The following VPS13B variants were observed in gnomAD, a reference collection of about 807,000 sequenced individuals.
VPS13B encodes intermembrane lipid transfer protein VPS13B.
In VPS13B, 285 loss-of-function variants were observed where a neutral mutation model predicts 426.4. The ratio of observed to expected loss-of-function variants is 0.67; its 90% confidence interval spans 0.61 to 0.74. The LOEUF (loss-of-function observed/expected upper bound fraction) is 0.74, where lower values mean the gene tolerates loss of function less well. Among genes scored for constraint, VPS13B ranks in the 30% least tolerant of loss-of-function variants. The pLI is 0.00. For missense variants in VPS13B, 4,537 were observed against 4,782.6 expected (o/e 0.95, Z 1.51); for synonymous variants, 1,676 against 1,676.4 (o/e 1.00, Z 0.01).
intron 33 of VPS13B, among the ~76,000 whole-genome samples, chr8:99,625,754 G>A (rs1422797444): frequency 6.6e-6 from 1 of 152,152 alleles, no homozygotes; most frequent in Non-Finnish European, 1.5e-5. Flanking sequence ...GCTGAGGTGG[G>A]AGGATCACCT....
At chr8:99,394,306 C>T (rs554614112) in intron 21 of VPS13B, among the ~76,000 whole-genome samples, 1 of 152,222 alleles carries the variant, frequency 6.6e-6, no homozygotes, top group South Asian at 2.1e-4. Context: ...GTGGTTTTGA[C>T]ACATGAATAC....
At chr8:99,501,054 TA>T (rs1256673109) in intron 25 of VPS13B, among the ~76,000 whole-genome samples, 16 of 152,108 alleles carry the variant, frequency 1.1e-4, no homozygotes, top group African/African-American at 3.9e-4. Context: ...ATAAGACACT[TA>T]AAAAAATCTA....
At chr8:99,291,936 C>T (rs1819758527) in intron 19 of VPS13B, among the ~76,000 whole-genome samples, 1 of 151,862 alleles carries the variant, frequency 6.6e-6, no homozygotes, top group Non-Finnish European at 1.5e-5. Flanking sequence ...GGTAATTTTT[C>T]CTCTACAGTA....
intron 19 of VPS13B, among the ~76,000 whole-genome samples, chr8:99,289,763 G>A (rs1229049538): frequency 6.6e-6 from 1 of 152,124 alleles, no homozygotes; most frequent in Non-Finnish European, 1.5e-5. Context: ...CAATATTAAA[G>A]TAAGTTGCTG....
chr8:99,147,787 T>G lies in VPS13B; in HGVS notation c.1844-54T>G, dbSNP rs1322196911. ...AGAACTAATTCATTTTTCAGTTGTT[T>G]AAGAATATTATTTAAAAATATTCTT... On this transcript the variant is annotated intron_variant, in intron 13 of 61. Coordinates refer to ENST00000357162, the MANE Select transcript of VPS13B (RefSeq NM_152564.5). 3.3e-6 allele frequency: 4 copies of G among 1,198,600 alleles called. No individual in the cohort carries two copies. The African/African-American group carries it at 6.3e-5, about 19-fold the overall frequency. 74.2% of individuals were successfully genotyped at this position (1,198,600 alleles called of 1,614,324 possible).
chr8:99,075,655 A>C (rs1468584296), intron 3 of VPS13B, among the ~76,000 whole-genome samples: 5 of 152,146 alleles, frequency 3.3e-5, no homozygotes, highest in African/African-American at 7.2e-5. Flanking sequence ...TTAGGTTTTT[A>C]AGTTTGTTAG....
intron 35 of VPS13B, among the ~76,000 whole-genome samples, chr8:99,670,374 T>C (rs1830662794): frequency 6.6e-6 from 1 of 152,112 alleles, no homozygotes; most frequent in Admixed American, 6.6e-5. Flanking sequence ...ATTACAAACA[T>C]TTAAGGTGTA....
At chr8:99,341,165 C>T (rs750609392) in intron 19 of VPS13B, 30 of 244,346 alleles carry the variant, frequency 1.2e-4, no homozygotes, top group Non-Finnish European at 2.2e-4. Context: ...GTTGGTGTGC[C>T]GCATAGTGTG....
chr8:99,611,216 TAA>T (rs1827833474), intron 33 of VPS13B, among the ~76,000 whole-genome samples: 1 of 152,160 alleles, frequency 6.6e-6, no homozygotes, highest in Admixed American at 6.5e-5. Flanking sequence ...ATTAGCTATA[TAA>T]AAGTCTGCAA....
At chr8:99,122,873 G>A (rs1848011232) in intron 8 of VPS13B, among the ~76,000 whole-genome samples, 1 of 152,098 alleles carries the variant, frequency 6.6e-6, no homozygotes, top group African/African-American at 2.4e-5. Flanking sequence ...AGCATTTTGG[G>A]AGGCCGAGGC....
intron 19 of VPS13B, among the ~76,000 whole-genome samples, chr8:99,286,553 AATTTGCGTACCTTCAGTCAATAATT>A (rs1819453605): frequency 1.3e-5 from 2 of 152,160 alleles, no homozygotes; most frequent in Admixed American, 6.6e-5. Context: ...TACCTGACAG[AATTTGCGTACCTTCAGTCAATAATT>A]ATTTTGCATT....
At chr8:99,697,745 G>T in intron 35 of VPS13B, 2 of 625,752 alleles carry the variant, frequency 3.2e-6, no homozygotes, top group Non-Finnish European at 6.1e-6. Flanking sequence ...GGGCGCGCCC[G>T]TAGGGGAGAA....
chr8:99,460,604 G>A (rs1475783292), intron 23 of VPS13B, among the ~76,000 whole-genome samples: 2 of 152,156 alleles, frequency 1.3e-5, no homozygotes, highest in African/African-American at 4.8e-5. Flanking sequence ...TGCAGGACAA[G>A]GTATTTCTGG....
chr8:99,745,071 CT>C (rs1416151729), intron 39 of VPS13B, among the ~76,000 whole-genome samples: 1 of 151,448 alleles, frequency 6.6e-6, no homozygotes, highest in African/African-American at 2.4e-5. Flanking sequence ...TTTGTTTTAG[CT>C]TTTAGGCTGC....
chr8:99,770,330 A>T (rs748325725), intron 40 of VPS13B, among the ~76,000 whole-genome samples: 16 of 152,076 alleles, frequency 1.1e-4, no homozygotes, highest in Non-Finnish European at 2.2e-4. Context: ...GAGGCAAGGG[A>T]TGCACCCTCT....
chr8:99,705,571 C>T (rs1832466486), intron 36 of VPS13B, among the ~76,000 whole-genome samples: 1 of 152,000 alleles, frequency 6.6e-6, no homozygotes, highest in Non-Finnish European at 1.5e-5. Flanking sequence ...TAAAAAAAAG[C>T]ACTAGGAGGT....
chr8:99,637,080 C>T (rs1457548359), intron 33 of VPS13B, among the ~76,000 whole-genome samples: 1 of 152,022 alleles, frequency 6.6e-6, no homozygotes, highest in Non-Finnish European at 1.5e-5. Flanking sequence ...TTTTTGACAA[C>T]TTAAATTATT....
At chr8:99,763,145 A>G (rs1811027937) in intron 39 of VPS13B, among the ~76,000 whole-genome samples, 1 of 139,320 alleles carries the variant, frequency 7.2e-6, no homozygotes, top group African/African-American at 2.5e-5. Context: ...CAAAAAAAAA[A>G]AAAAAAAAAA....
chr8:99,292,506 C>G (rs1017316138), intron 19 of VPS13B, among the ~76,000 whole-genome samples: 1 of 152,058 alleles, frequency 6.6e-6, no homozygotes, highest in African/African-American at 2.4e-5. Flanking sequence ...TAATTACTGA[C>G]CAGCTTTATC....
Sources: gnomAD v4.1 joint callset for allele counts (sites outside exome capture counted in the v4.1 genomes callset) on GRCh38, gnomAD v4.1.1 for gene constraint, MANE v1.5 for transcripts, NCBI Gene and HGNC (gene_info 2026-07-23, HGNC 2026-07-21) for gene names.